UBR1: variants seen among roughly 807,000 people sequenced by gnomAD.
The protein encoded by UBR1 is ubiquitin protein ligase E3 component n-recognin 1, also known as E3 ubiquitin-protein ligase UBR1.
Under a neutral mutation model 242.1 loss-of-function variants are expected in UBR1, and 102 were observed. The ratio of observed to expected loss-of-function variants is 0.42; its 90% CI spans 0.36 to 0.50. The LOEUF (loss-of-function observed/expected upper bound fraction) is 0.50. Ranked by LOEUF, UBR1 falls within the 20% of genes least tolerant of loss-of-function variation. The pLI, the probability that UBR1 is intolerant of heterozygous loss-of-function variation, is 0.01. For synonymous variants in UBR1, 675 were observed against 684.8 expected (o/e 0.99, Z 0.22); for missense variants, 1,772 against 2,101.8 (o/e 0.84, Z 3.07).
At chr15:43,095,803 G>C (rs568822989) in intron 1 of UBR1, among the ~76,000 whole-genome samples, 1 of 152,274 alleles carries the variant, frequency 6.6e-6, no homozygotes, top group South Asian at 2.1e-4. Context: ...GGCAGCAAGG[G>C]AACTCCGAGG....
intron 14 of UBR1, among the ~76,000 whole-genome samples, chr15:43,046,550 A>G (rs1481581198): frequency 6.6e-6 from 1 of 152,182 alleles, no homozygotes; most frequent in African/African-American, 2.4e-5. Flanking sequence ...AAAGAGACAA[A>G]AAGGAAAAGA....
intron 40 of UBR1, among the ~76,000 whole-genome samples, chr15:42,966,797 T>G (rs2141259621): frequency 6.6e-6 from 1 of 152,226 alleles, no homozygotes; most frequent in East Asian, 1.9e-4. Context: ...GGCAAGGAAC[T>G]ACTCTTCTTT....
chr15:43,025,694 C>T (rs965522388), intron 23 of UBR1: 1 of 427,406 alleles, frequency 2.3e-6, no homozygotes, highest in Non-Finnish European at 4.3e-6. Flanking sequence ...GCACAGGGTA[C>T]TATGCTATGG....
chr15:43,036,456 A>G (rs2033336519), intron 18 of UBR1, 72 bp downstream of exon 18: 1 of 1,301,198 alleles, frequency 7.7e-7, no homozygotes, highest in Non-Finnish European at 1.1e-6. Flanking sequence ...TTATTACATT[A>G]TCTTCTCTCC....
At chr15:43,082,591 G>A in intron 3 of UBR1, 47 bp downstream of exon 3, 2 of 1,471,276 alleles carry the variant, frequency 1.4e-6, no homozygotes, top group Non-Finnish European at 9.5e-7. Context: ...GGACTAGATG[G>A]CCATCAGATT....
intron 30 of UBR1, among the ~76,000 whole-genome samples, chr15:43,005,240 G>A (rs894442464): frequency 6.6e-5 from 10 of 152,054 alleles, no homozygotes; most frequent in Admixed American, 6.5e-4. Flanking sequence ...CGGTCCAGGA[G>A]GTGGGGGGGC....
chr15:43,080,255 AT>A (rs1223641753), intron 3 of UBR1, among the ~76,000 whole-genome samples: 3 of 152,128 alleles, frequency 2.0e-5, no homozygotes, highest in Non-Finnish European at 4.4e-5. Flanking sequence ...ATCATGAAAC[AT>A]TTTTTTAAAC....
chr15:43,003,370 C>T (rs2032755648), intron 31 of UBR1: 1 of 199,828 alleles, frequency 5.0e-6, no homozygotes, highest in South Asian at 8.7e-5. Context: ...ATTCTCCTGC[C>T]TCAGCCTCCG....
chr15:43,067,243 T>C (rs899745102), intron 6 of UBR1, among the ~76,000 whole-genome samples: 7 of 152,210 alleles, frequency 4.6e-5, no homozygotes, highest in African/African-American at 1.7e-4. Context: ...TTGACTCCGT[T>C]TGCTTTTTCA....
chr15:43,009,768 TCTGTGCAAGAAGCTCC>T (rs2032889751), intron 29 of UBR1, among the ~76,000 whole-genome samples: 1 of 152,226 alleles, frequency 6.6e-6, no homozygotes, highest in African/African-American at 2.4e-5. Flanking sequence ...GTTGTCTCTG[TCTGTGCAAGAAGCTCC>T]CTGAACTATA....
chr15:42,975,445 T>TC (rs1216957292), intron 39 of UBR1, among the ~76,000 whole-genome samples: 1 of 151,882 alleles, frequency 6.6e-6, no homozygotes, highest in East Asian at 1.9e-4. Flanking sequence ...TTGTTTCTGT[T>TC]TTTTTTGATA....
At chr15:42,981,874 T>C (rs548313052) in intron 37 of UBR1, among the ~76,000 whole-genome samples, 1 of 152,350 alleles carries the variant, frequency 6.6e-6, no homozygotes, top group African/African-American at 2.4e-5. Flanking sequence ...ACATATCTGA[T>C]AGCCCTAACA....
intron 40 of UBR1, among the ~76,000 whole-genome samples, chr15:42,966,504 T>A (rs772786739): frequency 2.2e-4 from 34 of 152,032 alleles, no homozygotes; most frequent in Admixed American, 8.5e-4. Flanking sequence ...CTGGCCAACA[T>A]GGCAAAACCC....
intron 21 of UBR1, among the ~76,000 whole-genome samples, chr15:43,029,114 T>TACACACACATGCACACACACACACAC (rs1555446679): frequency 2.4e-4 from 35 of 145,670 alleles, no homozygotes; most frequent in African/African-American, 9.8e-4. Flanking sequence ...TAAAAACAAA[T>TACACACACATGCACACACACACACAC]ACACACACAC....
At chr15:43,083,258 GA>G (rs2033993610) in intron 2 of UBR1, among the ~76,000 whole-genome samples, 1 of 152,218 alleles carries the variant, frequency 6.6e-6, no homozygotes, top group Non-Finnish European at 1.5e-5. Context: ...ACAAATGAAA[GA>G]AATTCAATCC....
At chr15:42,951,310 C>T (rs1353979793) in intron 45 of UBR1, among the ~76,000 whole-genome samples, 1 of 152,058 alleles carries the variant, frequency 6.6e-6, no homozygotes, top group African/African-American at 2.4e-5. Flanking sequence ...GCAACCTCCA[C>T]CTCCCAGGTT....
chr15:43,089,065 G>A (rs1008875057), intron 1 of UBR1, among the ~76,000 whole-genome samples: 56 of 152,074 alleles, frequency 3.7e-4, no homozygotes, highest in African/African-American at 1.4e-3. Context: ...AGGAGTCTGA[G>A]GCACGAGAAT....
At chr15:43,041,206 A>G (rs1170754729) in intron 15 of UBR1, among the ~76,000 whole-genome samples, 1 of 152,224 alleles carries the variant, frequency 6.6e-6, no homozygotes, top group Non-Finnish European at 1.5e-5. Flanking sequence ...ATGTCCATCA[A>G]TGATAGACTG....
chr15:42,991,664 T>G (rs557016545), intron 33 of UBR1, among the ~76,000 whole-genome samples: 1 of 152,300 alleles, frequency 6.6e-6, no homozygotes, highest in South Asian at 2.1e-4. Context: ...CCATCTCTTT[T>G]CTGTCTGTTC....
Sources: gnomAD v4.1 joint callset for allele counts (sites outside exome capture counted in the v4.1 genomes callset) on GRCh38, gnomAD v4.1.1 for gene constraint, MANE v1.5 for transcripts, NCBI Gene and HGNC (gene_info 2026-07-23, HGNC 2026-07-21) for gene names.